LIN28B: variants seen among roughly 807,000 people sequenced by gnomAD.
The protein encoded by LIN28B is protein lin-28 homolog B.
Under a neutral mutation model 21.9 loss-of-function variants are expected in LIN28B, and 5 were observed. The observed-to-expected ratio is 0.23, with a 90% CI of 0.12 to 0.48. The LOEUF is 0.48. LIN28B is among the 20% of genes least tolerant of loss of function. LIN28B has a pLI of 0.98. For synonymous variants in LIN28B, 109 were observed against 111.3 expected, an observed-to-expected ratio of 0.98 and a Z score of 0.13; for missense variants, 245 against 310.5, an observed-to-expected ratio of 0.79 and a Z score of 1.58.
chr6:105,063,634 T>A (rs1378710959), intron 3 of LIN28B, among the ~76,000 whole-genome samples: 2 of 82,316 alleles, frequency 2.4e-5, no homozygotes, highest in Non-Finnish European at 2.1e-5. Context: ...AGACTCCATC[T>A]CGGGGGGGGG....
intron 3 of LIN28B, 61 bp downstream of exon 3, chr6:105,026,543 T>G: frequency 8.9e-7 from 1 of 1,124,438 alleles, no homozygotes; most frequent in Admixed American, 2.4e-5. Flanking sequence ...TTTCTGAAAA[T>G]GTTTTCATCT....
chr6:105,020,595 A>G (rs2114326435), intron 2 of LIN28B, among the ~76,000 whole-genome samples: 1 of 152,226 alleles, frequency 6.6e-6, no homozygotes, highest in Middle Eastern at 3.4e-3. Context: ...CTGGGATTAC[A>G]GGCATGAACC....
intron 2 of LIN28B, among the ~76,000 whole-genome samples, chr6:104,974,162 T>C (rs1770036925): frequency 6.6e-6 from 1 of 152,026 alleles, no homozygotes. Context: ...GAAAGACTGT[T>C]TGTGAAGTTG....
At chr6:104,991,741 G>C (rs1202692703) in intron 2 of LIN28B, among the ~76,000 whole-genome samples, 1 of 152,212 alleles carries the variant, frequency 6.6e-6, no homozygotes, top group Non-Finnish European at 1.5e-5. Flanking sequence ...CTGAGTGAAC[G>C]AGACTCCGTC....
intron 3 of LIN28B, among the ~76,000 whole-genome samples, chr6:105,065,841 T>G (rs953337301): frequency 4.6e-5 from 7 of 152,160 alleles, no homozygotes; most frequent in African/African-American, 1.7e-4. Context: ...GAAAGATGAT[T>G]AATGTTTCTT....
chr6:105,011,973 C>T (rs1206066250), intron 2 of LIN28B, among the ~76,000 whole-genome samples: 2 of 151,386 alleles, frequency 1.3e-5, no homozygotes. Flanking sequence ...GCCTGGCCAA[C>T]ATGGTGAAAC....
chr6:105,016,457 C>T (rs572114739), intron 2 of LIN28B, among the ~76,000 whole-genome samples: 1 of 152,104 alleles, frequency 6.6e-6, no homozygotes, highest in Admixed American at 6.6e-5. Context: ...TGAAATATTC[C>T]AGAGAATGTT....
intron 2 of LIN28B, among the ~76,000 whole-genome samples, chr6:104,976,132 T>G (rs879670497): frequency 2.6e-5 from 4 of 152,182 alleles, no homozygotes; most frequent in Non-Finnish European, 5.9e-5. Flanking sequence ...ATTAATTACT[T>G]ACTTTGTGCT....
chr6:105,033,118 G>T (rs1182687125), intron 3 of LIN28B, among the ~76,000 whole-genome samples: 1 of 152,114 alleles, frequency 6.6e-6, no homozygotes, highest in African/African-American at 2.4e-5. Flanking sequence ...TTTATATAAA[G>T]TGTAAGGCCT....
intron 3 of LIN28B, among the ~76,000 whole-genome samples, chr6:105,060,139 G>A (rs1021101853): frequency 2.0e-5 from 3 of 152,182 alleles, no homozygotes; most frequent in African/African-American, 7.2e-5. Context: ...CCAACCTCAG[G>A]TGATCCGCCT....
intron 3 of LIN28B, among the ~76,000 whole-genome samples, chr6:105,070,069 T>G (rs1772301901): frequency 6.6e-6 from 1 of 152,164 alleles, no homozygotes; most frequent in Non-Finnish European, 1.5e-5. Context: ...TTTATTCTCT[T>G]TTGAACCACA....
intron 3 of LIN28B, among the ~76,000 whole-genome samples, chr6:105,038,005 T>C (rs1582910942): frequency 6.6e-6 from 1 of 152,048 alleles, no homozygotes; most frequent in African/African-American, 2.4e-5. Flanking sequence ...ACAACAATAT[T>C]AGAAGGAAAT....
At chr6:105,014,761 AATAG>A (rs954528447) in intron 2 of LIN28B, among the ~76,000 whole-genome samples, 1 of 152,132 alleles carries the variant, frequency 6.6e-6, no homozygotes, top group Non-Finnish European at 1.5e-5. Flanking sequence ...CCTTTTTAAA[AATAG>A]ATAAATAAAT....
chr6:105,044,159 C>G (rs1278184400), intron 3 of LIN28B, among the ~76,000 whole-genome samples: 1 of 152,116 alleles, frequency 6.6e-6, no homozygotes, highest in Admixed American at 6.5e-5. Flanking sequence ...TTAAGAAGCT[C>G]TGTTCTGAAT....
intron 2 of LIN28B, among the ~76,000 whole-genome samples, chr6:104,983,581 T>C (rs1395171758): frequency 6.6e-6 from 1 of 152,218 alleles, no homozygotes; most frequent in South Asian, 2.1e-4. Flanking sequence ...GTTTTGTTTT[T>C]GTTTTTGTTT....
intron 2 of LIN28B, among the ~76,000 whole-genome samples, chr6:105,011,883 G>A (rs547629437): frequency 6.6e-6 from 1 of 150,514 alleles, no homozygotes; most frequent in South Asian, 2.1e-4. Context: ...CTGCCGGCCA[G>A]GTGTGGTGTC....
intron 3 of LIN28B, among the ~76,000 whole-genome samples, chr6:105,077,021 G>C (rs893571012): frequency 6.6e-6 from 1 of 151,974 alleles, no homozygotes; most frequent in African/African-American, 2.4e-5. Flanking sequence ...CTTGAGGTCA[G>C]GAGTTCAAGA....
At chr6:105,001,833 C>G (rs760306042) in intron 2 of LIN28B, among the ~76,000 whole-genome samples, 1 of 152,112 alleles carries the variant, frequency 6.6e-6, no homozygotes, top group Admixed American at 6.5e-5. Flanking sequence ...CAAAAAAACT[C>G]GATCTCTAGC....
Position 104,957,204 on chromosome 6 carries a change from G to GA in LIN28B, c.-44dup. 1 of 1,613,964 alleles carries GA rather than the reference G, an allele frequency of 6.2e-7. No homozygotes were observed. The highest frequency in any genetic ancestry group is 1.1e-5 in the South Asian group (1 of 91,070). On this transcript the variant is annotated 5_prime_UTR_variant, in exon 1 of 4. Coordinates refer to ENST00000345080, the MANE Select transcript of LIN28B (RefSeq NM_001004317.4). ...GCAGAAGATCACTCCGTTCCAAAGGGAAAGTTTTCATCTCACGAGTTTGGA... is the reference window on the plus strand; with the variant it reads ...GCAGAAGATCACTCCGTTCCAAAGGGAAAAGTTTTCATCTCACGAGTTTGGA...
Sources: allele counts gnomAD v4.1 joint callset (sites outside exome capture counted in the v4.1 genomes callset), GRCh38; gene constraint gnomAD v4.1.1; transcripts MANE v1.5; gene names NCBI Gene and HGNC (gene_info 2026-07-23, HGNC 2026-07-21).